SSBP3: variants seen among roughly 807,000 people sequenced by gnomAD.
SSBP3 encodes the protein single stranded DNA binding protein 3, also known as single-stranded DNA-binding protein 3.
In SSBP3, 5 loss-of-function variants were observed where a neutral mutation model predicts 69.6. That is an observed-to-expected ratio of 0.07 (90% CI 0.04 to 0.15). The LOEUF (loss-of-function observed/expected upper bound fraction) is 0.15. Ranked by LOEUF, SSBP3 falls within the 10% of genes least tolerant of loss-of-function variation. SSBP3 has a pLI of 1.00. For synonymous variants in SSBP3, 196 were observed against 193.4 expected (o/e 1.01, Z -0.11); for missense variants, 312 against 534.0 (o/e 0.58, Z 4.10).
intron 11 of SSBP3, 89 bp from the exon 12 acceptor site, chr1:54,241,598 C>G: frequency 1.4e-6 from 2 of 1,420,178 alleles, no homozygotes; most frequent in Non-Finnish European, 2.0e-6. Context: ...CCACTCTTCA[C>G]AGGAAAGGCA....
At chr1:54,244,780 A>G (rs1014895340) in intron 9 of SSBP3, among the ~76,000 whole-genome samples, 10 of 151,956 alleles carry the variant, frequency 6.6e-5, no homozygotes, top group Admixed American at 2.6e-4. Context: ...GCTCCTACTC[A>G]GCTCCAAGAG....
intron 4 of SSBP3, among the ~76,000 whole-genome samples, chr1:54,312,510 C>T (rs1251682340): frequency 6.6e-6 from 1 of 151,972 alleles, no homozygotes; most frequent in Non-Finnish European, 1.5e-5. Flanking sequence ...ACTGCTTGAA[C>T]CCGGGAGGCA....
At chr1:54,226,662 TTTTCC>T (rs1644289690) in exon 18 of SSBP3, 1 of 157,166 alleles carries the variant, frequency 6.4e-6, no homozygotes, top group African/African-American at 2.6e-5. Flanking sequence ...TTTTTTTCCT[TTTTCC>T]TTTTTTTTTT....
At chr1:54,313,456 T>C (rs893136141) in intron 4 of SSBP3, among the ~76,000 whole-genome samples, 2 of 148,092 alleles carry the variant, frequency 1.4e-5, no homozygotes, top group Non-Finnish European at 3.0e-5. Flanking sequence ...TTTTTTTTTT[T>C]TTTTTCTTTT....
intron 4 of SSBP3, among the ~76,000 whole-genome samples, chr1:54,399,748 C>T (rs997504459): frequency 2.0e-5 from 3 of 152,118 alleles, no homozygotes; most frequent in Non-Finnish European, 2.9e-5. Flanking sequence ...AAGGGAGAGA[C>T]TAGATGAAGA....
chr1:54,284,157 A>AGGCT (rs1645446057), intron 4 of SSBP3, among the ~76,000 whole-genome samples: 1 of 127,312 alleles, frequency 7.9e-6, no homozygotes, highest in Admixed American at 9.7e-5. Flanking sequence ...TATGTTGCCC[A>AGGCT]GGCTGGCTTC....
At chr1:54,293,512 G>T (rs892587344) in intron 4 of SSBP3, among the ~76,000 whole-genome samples, 1 of 152,184 alleles carries the variant, frequency 6.6e-6, no homozygotes, top group Non-Finnish European at 1.5e-5. Context: ...ATTCAGAGAA[G>T]AATAACCTAT....
intron 4 of SSBP3, among the ~76,000 whole-genome samples, chr1:54,316,876 G>C (rs1261163577): frequency 6.6e-6 from 1 of 152,096 alleles, no homozygotes; most frequent in Non-Finnish European, 1.5e-5. Flanking sequence ...GTGAGGGCTT[G>C]AGCTCTGCTT....
intron 4 of SSBP3, among the ~76,000 whole-genome samples, chr1:54,369,305 A>AGG (rs1647085702): frequency 4.5e-5 from 1 of 22,174 alleles, no homozygotes; most frequent in South Asian, 1.3e-3. Flanking sequence ...GATTGGGGGG[A>AGG]CGGGGGTGGG....
intron 4 of SSBP3, among the ~76,000 whole-genome samples, chr1:54,369,556 C>G (rs1647091457): frequency 1.3e-5 from 2 of 152,170 alleles, no homozygotes; most frequent in African/African-American, 4.8e-5. Flanking sequence ...TTCTGTGTCT[C>G]CACGTGAAGG....
chr1:54,253,814 G>A (rs1327000075), intron 7 of SSBP3, among the ~76,000 whole-genome samples: 2 of 152,238 alleles, frequency 1.3e-5, no homozygotes, highest in Non-Finnish European at 2.9e-5. Flanking sequence ...AACCCAGACA[G>A]TGCAGCCATG....
chr1:54,393,006 A>G (rs213486), intron 4 of SSBP3, among the ~76,000 whole-genome samples: 142,537 of 152,228 alleles, frequency 0.94, 66,845 homozygotes, highest in East Asian at 1. Flanking sequence ...CAGAAGAATA[A>G]TTGGCAGGGG....
At chr1:54,340,294 T>C (rs899296560) in intron 4 of SSBP3, among the ~76,000 whole-genome samples, 3 of 152,232 alleles carry the variant, frequency 2.0e-5, no homozygotes, top group Non-Finnish European at 2.9e-5. Context: ...TGCAGTAATA[T>C]TTGCAAAGGG....
chr1:54,402,013 C>T, intron 3 of SSBP3, 68 bp from the exon 4 acceptor site: 4 of 1,351,096 alleles, frequency 3.0e-6, no homozygotes, highest in South Asian at 1.2e-5. Context: ...GGCAAGTGCA[C>T]GATGCATGGC....
At chr1:54,309,942 G>T (rs995533980) in intron 4 of SSBP3, among the ~76,000 whole-genome samples, 4 of 152,196 alleles carry the variant, frequency 2.6e-5, no homozygotes, top group Non-Finnish European at 5.9e-5. Context: ...GGTGCGGGAA[G>T]GGGTGGGGGG....
upstream of SSBP3, among the ~76,000 whole-genome samples, chr1:54,411,224 A>G (rs1250245779): frequency 6.6e-6 from 1 of 152,212 alleles, no homozygotes; most frequent in Admixed American, 6.5e-5. Context: ...TCACACCTGT[A>G]ATCTCAGCAC....
intron 4 of SSBP3, among the ~76,000 whole-genome samples, chr1:54,285,136 C>G (rs1388635476): frequency 6.6e-6 from 1 of 152,072 alleles, no homozygotes; most frequent in African/African-American, 2.4e-5. Flanking sequence ...TAAATTTGTG[C>G]CTTGAATTTT....
chr1:54,293,709 T>C (rs1306490331), intron 4 of SSBP3, among the ~76,000 whole-genome samples: 1 of 152,240 alleles, frequency 6.6e-6, no homozygotes, highest in Non-Finnish European at 1.5e-5. Context: ...GCACAGTGTT[T>C]GTCACACCTG....
At chr1:54,383,469 A>C (rs1647838548) in intron 4 of SSBP3, among the ~76,000 whole-genome samples, 1 of 152,200 alleles carries the variant, frequency 6.6e-6, no homozygotes, top group African/African-American at 2.4e-5. Context: ...GATAAGAGCC[A>C]TTCACAATTA....
Sources: gnomAD v4.1 joint callset for allele counts (sites outside exome capture counted in the v4.1 genomes callset) on GRCh38, gnomAD v4.1.1 for gene constraint, MANE v1.5 for transcripts, NCBI Gene and HGNC (gene_info 2026-07-23, HGNC 2026-07-21) for gene names.